The following SGCZ variants were observed in gnomAD, a reference collection of about 807,000 sequenced individuals.
SGCZ encodes the protein sarcoglycan zeta, also known as zeta-sarcoglycan.
In SGCZ, 40 loss-of-function variants were observed where a neutral mutation model predicts 41.3. The observed-to-expected ratio is 0.97, with a 90% CI of 0.75 to 1.26. SGCZ has a LOEUF of 1.26. Ranked by LOEUF, SGCZ falls within the 50% of genes most tolerant of loss-of-function variation. The pLI is 0.00. For missense variants in SGCZ, 552 were observed against 369.8 expected, an observed-to-expected ratio of 1.49 and a Z score of -4.04; for synonymous variants, 206 against 137.5, an observed-to-expected ratio of 1.50 and a Z score of -3.49.
At chr8:14,398,763 A>G (rs1798989937) in intron 2 of SGCZ, among the ~76,000 whole-genome samples, 1 of 152,234 alleles carries the variant, frequency 6.6e-6, no homozygotes, top group African/African-American at 2.4e-5. Flanking sequence ...TCTGAGTTAT[A>G]ATGTCCAGCA....
intron 1 of SGCZ, among the ~76,000 whole-genome samples, chr8:15,132,932 A>T (rs186828178): frequency 1.0e-3 from 153 of 152,260 alleles, no homozygotes; most frequent in African/African-American, 3.6e-3. Flanking sequence ...CATGAGCCCA[A>T]GAGTTCAAGA....
intron 7 of SGCZ, among the ~76,000 whole-genome samples, chr8:14,095,657 G>C (rs562712270): frequency 2.0e-5 from 3 of 152,158 alleles, no homozygotes; most frequent in African/African-American, 4.8e-5. Context: ...ATGGCAGCTT[G>C]ATGGGGATAG....
At chr8:14,394,402 G>A (rs762122682) in intron 2 of SGCZ, among the ~76,000 whole-genome samples, 5 of 152,176 alleles carry the variant, frequency 3.3e-5, no homozygotes, top group Non-Finnish European at 7.4e-5. Context: ...ACCCGCCTCG[G>A]CCTTTCAAAG....
chr8:14,665,008 A>C (rs1272957605), intron 1 of SGCZ, among the ~76,000 whole-genome samples: 1 of 152,158 alleles, frequency 6.6e-6, no homozygotes, highest in African/African-American at 2.4e-5. Flanking sequence ...AATAAATGGC[A>C]TTAAAACTCT....
At chr8:14,394,689 T>G (rs976230903) in intron 2 of SGCZ, among the ~76,000 whole-genome samples, 1 of 152,048 alleles carries the variant, frequency 6.6e-6, no homozygotes, top group Admixed American at 6.6e-5. Context: ...ACCACTGTGG[T>G]AGTAAAGATA....
intron 1 of SGCZ, among the ~76,000 whole-genome samples, chr8:14,662,691 G>A (rs994892413): frequency 4.6e-5 from 7 of 152,136 alleles, no homozygotes; most frequent in Admixed American, 3.9e-4. Flanking sequence ...GAAAATTAAG[G>A]TTGATAATGA....
chr8:14,426,052 C>A lies in SGCZ; in HGVS notation c.235-101848G>T, dbSNP rs1799773748. 1.3e-5 allele frequency among the ~76,000 whole-genome samples: 2 copies of A among 151,666 alleles called. 1 individual carries two copies. The highest frequency in any genetic ancestry group is 4.2e-4 in the South Asian group (2 of 4,812). On this transcript the variant is annotated intron_variant, in intron 2 of 7. Coordinates refer to ENST00000382080, the MANE Select transcript of SGCZ (RefSeq NM_139167.4). ...ATCCATACAAGAATTCATTTTTTTT[C>A]TAGTAAGAATAGTGAAGACACATTA...
At chr8:14,359,328 G>T (rs1247819444) in intron 2 of SGCZ, among the ~76,000 whole-genome samples, 2 of 151,990 alleles carry the variant, frequency 1.3e-5, no homozygotes, top group African/African-American at 4.8e-5. Context: ...TATCCAGACA[G>T]AAAATCAACA....
intron 1 of SGCZ, among the ~76,000 whole-genome samples, chr8:14,590,808 T>G (rs969067481): frequency 6.8e-6 from 1 of 148,080 alleles, no homozygotes; most frequent in African/African-American, 2.4e-5. Context: ...TATATGAATA[T>G]ATGATATATA....
intron 2 of SGCZ, among the ~76,000 whole-genome samples, chr8:14,503,385 G>A (rs1054437023): frequency 6.6e-5 from 10 of 152,078 alleles, no homozygotes; most frequent in Admixed American, 3.3e-4. Flanking sequence ...CATGGCACGT[G>A]CATACCTATG....
chr8:14,852,038 C>CA (rs1803348343), intron 1 of SGCZ, among the ~76,000 whole-genome samples: 1 of 152,142 alleles, frequency 6.6e-6, no homozygotes, highest in South Asian at 2.1e-4. Flanking sequence ...CTTGTCCCCT[C>CA]AGGTTAAAGA....
At chr8:14,665,896 G>C (rs1018310674) in intron 1 of SGCZ, among the ~76,000 whole-genome samples, 5 of 152,092 alleles carry the variant, frequency 3.3e-5, no homozygotes, top group African/African-American at 1.2e-4. Flanking sequence ...CAAAAGTTAT[G>C]TTTTCACTTT....
At chr8:14,407,741 A>G (rs1799250555) in intron 2 of SGCZ, among the ~76,000 whole-genome samples, 2 of 152,178 alleles carry the variant, frequency 1.3e-5, no homozygotes, top group Non-Finnish European at 2.9e-5. Context: ...AGATCATTTC[A>G]AAAAGTTTCA....
intron 5 of SGCZ, among the ~76,000 whole-genome samples, chr8:14,133,535 G>A (rs890969004): frequency 2.0e-5 from 3 of 152,252 alleles, no homozygotes; most frequent in African/African-American, 7.2e-5. Context: ...GGAACCAGGG[G>A]CCAGGACTCT....
chr8:14,551,478 TA>T lies in SGCZ; in HGVS notation c.234+3253del, dbSNP rs1803819887. Among the ~76,000 whole-genome samples, 6 of 4,954 alleles carry T rather than the reference TA, an allele frequency of 1.2e-3. 2 individuals carry two copies. In the Admixed American group the frequency reaches 0.03, roughly 25 times the overall value. The allele number at this position is 4,954 out of a possible 152,430, so 3.3% of individuals were successfully genotyped here. On this transcript the variant is annotated intron_variant, in intron 2 of 7. Transcript: ENST00000382080. ...TATTATATATATTATATATATTATA[TA>T]TTATATATATTATATATATTATATA...
intron 1 of SGCZ, among the ~76,000 whole-genome samples, chr8:15,221,825 C>T (rs865939577): frequency 1.3e-5 from 2 of 152,254 alleles, no homozygotes; most frequent in Middle Eastern, 6.8e-3. Flanking sequence ...AGAAACACTG[C>T]ATTTCGTTTT....
chr8:15,210,367 C>T (rs926626849), intron 1 of SGCZ, among the ~76,000 whole-genome samples: 1 of 152,098 alleles, frequency 6.6e-6, no homozygotes, highest in African/African-American at 2.4e-5. Flanking sequence ...TACATTATCC[C>T]ATAAGCACTC....
chr8:14,309,558 G>A, intron 3 of SGCZ: 1 of 1,610,592 alleles, frequency 6.2e-7, no homozygotes, highest in Non-Finnish European at 8.5e-7. Context: ...ACACATACAG[G>A]GACGGTATAA....
intron 3 of SGCZ, among the ~76,000 whole-genome samples, chr8:14,247,736 A>C (rs964631468): frequency 1.3e-5 from 2 of 152,072 alleles, no homozygotes; most frequent in African/African-American, 4.8e-5. Flanking sequence ...CTTGAGGGTA[A>C]TGTTGCCCTC....
Sources: gnomAD v4.1 joint callset for allele counts (sites outside exome capture counted in the v4.1 genomes callset) on GRCh38, gnomAD v4.1.1 for gene constraint, MANE v1.5 for transcripts, NCBI Gene and HGNC (gene_info 2026-07-23, HGNC 2026-07-21) for gene names.